CDH12: variants seen among roughly 807,000 people sequenced by gnomAD.
CDH12 encodes cadherin-12.
CDH12 carries 41 observed loss-of-function variants against 74.1 expected under a neutral mutation model. The ratio of observed to expected loss-of-function variants is 0.55; its 90% CI spans 0.43 to 0.72. CDH12 has a LOEUF of 0.72. Ranked by LOEUF, CDH12 falls within the 30% of genes least tolerant of loss-of-function variation. The probability of loss-of-function intolerance (pLI) is 0.00; values close to 1 mark genes in which losing one functional copy is unlikely to be tolerated. For missense variants in CDH12, 945 were observed against 977.2 expected (o/e 0.97, Z 0.44); for synonymous variants, 399 against 355.0 (o/e 1.12, Z -1.39).
intron 3 of CDH12, among the ~76,000 whole-genome samples, chr5:22,346,924 T>C (rs1286980291): frequency 6.6e-6 from 1 of 152,164 alleles, no homozygotes; most frequent in Non-Finnish European, 1.5e-5. Context: ...AGTGTTGAAG[T>C]GAGGAGAGCT....
At chr5:22,119,882 G>T (rs907719279) in intron 4 of CDH12, among the ~76,000 whole-genome samples, 1 of 151,966 alleles carries the variant, frequency 6.6e-6, no homozygotes, top group Non-Finnish European at 1.5e-5. Context: ...GTTAAACATT[G>T]GTATTATTCT....
intron 3 of CDH12, among the ~76,000 whole-genome samples, chr5:22,403,218 C>T (rs1249718549): frequency 6.6e-6 from 1 of 152,038 alleles, no homozygotes; most frequent in Non-Finnish European, 1.5e-5. Flanking sequence ...TTTTAAGATA[C>T]CCAGTGTGTG....
intron 3 of CDH12, among the ~76,000 whole-genome samples, chr5:22,288,338 T>A (rs1245092515): frequency 3.9e-5 from 6 of 152,180 alleles, no homozygotes; most frequent in African/African-American, 1.4e-4. Flanking sequence ...TGAATGTACA[T>A]CTAAAACATG....
At chr5:22,539,848 A>T (rs1738020399) in intron 1 of CDH12, among the ~76,000 whole-genome samples, 1 of 152,198 alleles carries the variant, frequency 6.6e-6, no homozygotes, top group Non-Finnish European at 1.5e-5. Context: ...TCTCTGAAAC[A>T]GAACCCAATC....
intron 10 of CDH12, among the ~76,000 whole-genome samples, chr5:21,799,728 G>A (rs1386786834): frequency 6.6e-6 from 1 of 152,164 alleles, no homozygotes; most frequent in Non-Finnish European, 1.5e-5. Context: ...CACCCCAACA[G>A]TGATTTGATG....
At chr5:22,764,591 T>G (rs2127061172) in intron 1 of CDH12, among the ~76,000 whole-genome samples, 1 of 152,114 alleles carries the variant, frequency 6.6e-6, no homozygotes, top group African/African-American at 2.4e-5. Context: ...GCTTATTAAT[T>G]AAAAAGGGGA....
intron 1 of CDH12, among the ~76,000 whole-genome samples, chr5:22,699,836 T>C (rs539281040): frequency 6.6e-6 from 1 of 152,270 alleles, no homozygotes; most frequent in South Asian, 2.1e-4. Context: ...TAGGGATAGT[T>C]CGGTGAATCA....
At chr5:22,006,732 G>T (rs1736985538) in intron 5 of CDH12, among the ~76,000 whole-genome samples, 1 of 151,754 alleles carries the variant, frequency 6.6e-6, no homozygotes, top group African/African-American at 2.4e-5. Flanking sequence ...TATTTCTCAG[G>T]GTCCTCATCT....
intron 10 of CDH12, among the ~76,000 whole-genome samples, chr5:21,792,062 A>T (rs1330007652): frequency 1.3e-5 from 2 of 152,004 alleles, no homozygotes; most frequent in Non-Finnish European, 2.9e-5. Flanking sequence ...TAATGATAGT[A>T]GATCAAACTG....
At chr5:22,770,395 T>A (rs11953047) in intron 1 of CDH12, among the ~76,000 whole-genome samples, 72,523 of 151,886 alleles carry the variant, frequency 0.48, 17,442 homozygotes, top group East Asian at 0.56. Context: ...TTGCCCATAA[T>A]TGAGAATCTA....
At chr5:22,476,182 T>C (rs977001678) in intron 2 of CDH12, among the ~76,000 whole-genome samples, 13 of 152,098 alleles carry the variant, frequency 8.5e-5, no homozygotes, top group Non-Finnish European at 1.8e-4. Context: ...TCTGCTTATT[T>C]TTCATTAACG....
At chr5:21,861,899 A>AGTGTGTGTGTGTGTGT (rs59953319) in intron 6 of CDH12, among the ~76,000 whole-genome samples, 10 of 147,836 alleles carry the variant, frequency 6.8e-5, no homozygotes, top group African/African-American at 2.5e-4. Context: ...GGTCATTTCT[A>AGTGTGTGTGTGTGTGT]GTGTGTGTGT....
intron 3 of CDH12, among the ~76,000 whole-genome samples, chr5:22,364,829 T>A (rs1190373327): frequency 3.3e-5 from 5 of 152,168 alleles, no homozygotes; most frequent in Non-Finnish European, 7.3e-5. Context: ...TTTGAACATG[T>A]TTATCTGGGG....
At chr5:22,593,257 T>G (rs1480087164) in intron 1 of CDH12, among the ~76,000 whole-genome samples, 1 of 151,962 alleles carries the variant, frequency 6.6e-6, no homozygotes, top group Non-Finnish European at 1.5e-5. Context: ...TCAACCATGT[T>G]AACAAATCCT....
intron 7 of CDH12, among the ~76,000 whole-genome samples, chr5:21,846,976 C>T (rs1354273765): frequency 6.6e-6 from 1 of 152,092 alleles, no homozygotes; most frequent in Admixed American, 6.6e-5. Context: ...TGGCTTTATT[C>T]TCCACCCAAT....
rs116019969 is a variant in CDH12, at chr5:22,552,375, C to T, written c.-522-47011G>A. 8.7e-3 allele frequency among the ~76,000 whole-genome samples: 1,322 copies of T among 151,868 alleles called. 12 individuals carry two copies. The highest frequency in any genetic ancestry group is 0.031 in the African/African-American group (1,269 of 41,416). ...CAATTTAATTCACTGCCTAGCATACCGGTTCTTCTCCTTCAGGAGAAAAAT... is the reference window on the plus strand; with the variant it reads ...CAATTTAATTCACTGCCTAGCATACTGGTTCTTCTCCTTCAGGAGAAAAAT... On this transcript the variant is annotated intron_variant, in intron 1 of 14. Transcript: ENST00000382254.
intron 6 of CDH12, among the ~76,000 whole-genome samples, chr5:21,861,898 T>TTG (rs1161816536): frequency 8.5e-5 from 5 of 59,072 alleles, no homozygotes; most frequent in Admixed American, 2.6e-4. Flanking sequence ...TGGTCATTTC[T>TTG]AGTGTGTGTG....
At chr5:21,816,920 A>G in intron 9 of CDH12, 25 bp downstream of exon 9, 1 of 1,413,798 alleles carries the variant, frequency 7.1e-7, no homozygotes, top group Non-Finnish European at 9.7e-7. Context: ...TTAGTAGTCA[A>G]CTGTCCCAAC....
chr5:22,760,701 C>CAAAAAAAAAAAAAAAAAAAAAAAAAAAA (rs1195139726), intron 1 of CDH12, among the ~76,000 whole-genome samples: 1 of 95,398 alleles, frequency 1.0e-5, no homozygotes, highest in Non-Finnish European at 2.1e-5. Flanking sequence ...AAAAAAAAAA[C>CAAAAAAAAAAAAAAAAAAAAAAAAAAAA]AAAAAAAAAA....
Sources: gnomAD v4.1 joint callset for allele counts (sites outside exome capture counted in the v4.1 genomes callset) on GRCh38, gnomAD v4.1.1 for gene constraint, MANE v1.5 for transcripts, NCBI Gene and HGNC (gene_info 2026-07-23, HGNC 2026-07-21) for gene names.